Variants in PTPN1 observed in about 807,000 individuals in gnomAD.
PTPN1 encodes the protein tyrosine-protein phosphatase non-receptor type 1.
PTPN1 carries 12 observed loss-of-function variants against 59.9 expected under a neutral mutation model. The observed-to-expected ratio is 0.20, with a 90% CI of 0.13 to 0.32. The LOEUF (loss-of-function observed/expected upper bound fraction) is 0.32. PTPN1 is among the 10% of genes least tolerant of loss of function. The probability of loss-of-function intolerance (pLI) is 1.00; values close to 1 mark genes in which losing one functional copy is unlikely to be tolerated. For missense variants in PTPN1, 356 were observed against 549.2 expected (o/e 0.65, Z 3.52); for synonymous variants, 178 against 203.6 (o/e 0.87, Z 1.07).
At chr20:50,533,474 C>T (rs77604332) in intron 1 of PTPN1, among the ~76,000 whole-genome samples, 4,166 of 150,962 alleles carry the variant, frequency 0.028, 87 homozygotes, top group South Asian at 0.051. Flanking sequence ...ATGCACTCAG[C>T]CTGTACCCCA....
At chr20:50,554,126 G>T (rs997513465) in intron 1 of PTPN1, among the ~76,000 whole-genome samples, 4 of 152,216 alleles carry the variant, frequency 2.6e-5, no homozygotes, top group African/African-American at 9.6e-5. Context: ...CTGGCACACT[G>T]TCTCATGCCT....
At chr20:50,536,877 A>G (rs1201066804) in intron 1 of PTPN1, among the ~76,000 whole-genome samples, 1 of 152,080 alleles carries the variant, frequency 6.6e-6, no homozygotes, top group Admixed American at 6.6e-5. Context: ...GCTATATTTC[A>G]TGTTTACTGT....
chr20:50,550,822 G>C (rs1169747664), intron 1 of PTPN1, among the ~76,000 whole-genome samples: 1 of 152,206 alleles, frequency 6.6e-6, no homozygotes, highest in Non-Finnish European at 1.5e-5. Flanking sequence ...TCACTTAGCA[G>C]ATAGCTTTAA....
intron 1 of PTPN1, among the ~76,000 whole-genome samples, chr20:50,553,551 C>T (rs1017640775): frequency 2.6e-5 from 4 of 152,042 alleles, no homozygotes; most frequent in Non-Finnish European, 5.9e-5. Flanking sequence ...TCGGCCAGAA[C>T]GGAGAGAGAC....
chr20:50,582,848 G>C lies in PTPN1; in HGVS notation c.*133G>C. On this transcript the variant is annotated 3_prime_UTR_variant, in exon 10 of 10. Transcript: ENST00000371621. The surrounding 1 kb of genome is among the most constrained non-coding windows in gnomAD (Gnocchi z 4.2). Reference sequence around the variant, plus strand: ...AGAGCCGGGCCCCGGACGGACGTTGGTTCTGCACTAAAACCCATCTTCCCC... The same window carrying C: ...AGAGCCGGGCCCCGGACGGACGTTGCTTCTGCACTAAAACCCATCTTCCCC... The C allele has an allele frequency of 9.2e-7, 1 of 1,083,210 alleles. No homozygotes were observed. Among genetic ancestry groups the C allele is most frequent in the Non-Finnish European group, 1.4e-6 (1 of 733,694 alleles). The allele number at this position is 1,083,210 out of a possible 1,614,324, so 67.1% of individuals were successfully genotyped here. A position where few individuals can be genotyped will look rare whatever the true frequency, so the allele number is the denominator to read the frequency against.
At chr20:50,580,294 T>TC (rs1285549475) in intron 8 of PTPN1, among the ~76,000 whole-genome samples, 3 of 152,198 alleles carry the variant, frequency 2.0e-5, no homozygotes, top group African/African-American at 7.2e-5. Context: ...GTGCCCTCAG[T>TC]CCCCACAGTG....
chr20:50,549,538 G>T (rs1364252681), intron 1 of PTPN1, among the ~76,000 whole-genome samples: 2 of 152,156 alleles, frequency 1.3e-5, no homozygotes, highest in East Asian at 3.8e-4. Flanking sequence ...CTGTGGCAGG[G>T]ACAGTTACTT....
intron 5 of PTPN1, 80 bp downstream of exon 5, chr20:50,574,734 C>G: frequency 1.4e-6 from 2 of 1,476,348 alleles, no homozygotes; most frequent in Non-Finnish European, 9.2e-7. Context: ...GTGATATTAC[C>G]TAATGTCAGT....
Position 50,579,943 on chromosome 20 carries a change from C to T in PTPN1, c.1088+17C>T. The T allele has an allele frequency of 6.2e-7, 1 of 1,606,558 alleles. No individual in the cohort carries two copies. The highest frequency in any genetic ancestry group is 8.5e-7 in the Non-Finnish European group (1 of 1,173,900). On this transcript the variant is annotated intron_variant, in intron 8 of 9. Transcript: ENST00000371621. ...CATCGAAAGGTAATATGATTGGGTCCCAGCTTGTTGGGGTGAGGGGAAATG... is the reference window on the plus strand; with the variant it reads ...CATCGAAAGGTAATATGATTGGGTCTCAGCTTGTTGGGGTGAGGGGAAATG...
intron 1 of PTPN1, among the ~76,000 whole-genome samples, chr20:50,537,642 T>C (rs1374366620): frequency 6.6e-6 from 1 of 152,232 alleles, no homozygotes; most frequent in Non-Finnish European, 1.5e-5. Context: ...GTCATACCCT[T>C]GTATGTTTTC....
At chr20:50,541,261 T>C (rs753681439) in intron 1 of PTPN1, among the ~76,000 whole-genome samples, 1 of 152,236 alleles carries the variant, frequency 6.6e-6, no homozygotes, top group Non-Finnish European at 1.5e-5. Flanking sequence ...TACTTTCTTA[T>C]GCGGTTCTTA....
At position 50,568,561 on chromosome 20, in the gene PTPN1, A is replaced by T; in HGVS notation, c.354+83A>T. On this transcript the variant is annotated intron_variant, in intron 4 of 9. Transcript: ENST00000371621. This position sits in a 1 kb window ranked among gnomAD's most constrained non-coding sequence, Gnocchi z 5.6. ...CCATTTTCGTCCAGATTTTTAAATT[A>T]TTTTTCTTGCCTTTGTATTTCCTTT... The T allele has an allele frequency of 8.6e-7, 1 of 1,158,376 alleles. No individual in the cohort carries two copies. Among genetic ancestry groups the T allele is most frequent in the Non-Finnish European group, 1.3e-6 (1 of 781,224 alleles). 71.8% of individuals were successfully genotyped at this position (1,158,376 alleles called of 1,614,324 possible). A position where few individuals can be genotyped will look rare whatever the true frequency, so the allele number is the denominator to read the frequency against.
chr20:50,561,949 C>T (rs1269907704), intron 2 of PTPN1, among the ~76,000 whole-genome samples: 1 of 152,228 alleles, frequency 6.6e-6, no homozygotes, highest in Non-Finnish European at 1.5e-5. Flanking sequence ...CTCCCTCTTT[C>T]CTGCTGTTAG....
chr20:50,535,913 A>C (rs1014937176), intron 1 of PTPN1, among the ~76,000 whole-genome samples: 4 of 152,174 alleles, frequency 2.6e-5, no homozygotes, highest in African/African-American at 9.7e-5. Flanking sequence ...CTTGAATACT[A>C]CATTGCCAGT....
intron 1 of PTPN1, 149 bp from the exon 2 acceptor site, chr20:50,561,211 TTCC>T: frequency 1.6e-6 from 1 of 611,844 alleles, no homozygotes; most frequent in Non-Finnish European, 2.8e-6. Flanking sequence ...CCTGTGCTCA[TTCC>T]TCCTCGGTTT....
intron 1 of PTPN1, among the ~76,000 whole-genome samples, chr20:50,521,816 G>A (rs937278470): frequency 6.6e-5 from 10 of 152,292 alleles, no homozygotes; most frequent in East Asian, 3.9e-4. Context: ...AAATCACACC[G>A]TCTGAGCTTA....
At chr20:50,546,392 A>G (rs1388239500) in intron 1 of PTPN1, among the ~76,000 whole-genome samples, 1 of 152,084 alleles carries the variant, frequency 6.6e-6, no homozygotes, top group African/African-American at 2.4e-5. Flanking sequence ...TCTTCCCCAG[A>G]TTGTCTTTTT....
At chr20:50,534,943 G>GGCTTTGAACTCCT (rs2122741200) in intron 1 of PTPN1, among the ~76,000 whole-genome samples, 1 of 90,720 alleles carries the variant, frequency 1.1e-5, no homozygotes, top group Admixed American at 1.2e-4. Context: ...TGCTCAGGCT[G>GGCTTTGAACTCCT]GCCTTGAACT....
At chr20:50,529,759 G>A (rs1346479000) in intron 1 of PTPN1, among the ~76,000 whole-genome samples, 1 of 152,122 alleles carries the variant, frequency 6.6e-6, no homozygotes, top group African/African-American at 2.4e-5. Flanking sequence ...TCAAAAACTT[G>A]TTCTTGACTA....
Sources: allele counts gnomAD v4.1 joint callset (sites outside exome capture counted in the v4.1 genomes callset), GRCh38; gene constraint gnomAD v4.1.1; non-coding constraint Gnocchi (gnomAD v3.1); transcripts MANE v1.5; gene names NCBI Gene and HGNC (gene_info 2026-07-23, HGNC 2026-07-21).